PKHD1: variants seen among roughly 807,000 people sequenced by gnomAD.
PKHD1 encodes PKHD1 ciliary IPT domain containing fibrocystin/polyductin.
In PKHD1, 291 loss-of-function variants were observed where a neutral mutation model predicts 412.0. The observed-to-expected ratio is 0.71, with a 90% confidence interval of 0.64 to 0.78. The LOEUF is 0.78. Ranked by LOEUF, PKHD1 falls within the 30% of genes least tolerant of loss-of-function variation. The pLI is 0.00. For synonymous variants in PKHD1, 1,777 were observed against 1,821.5 expected (o/e 0.98, Z 0.62); for missense variants, 4,825 against 4,950.7 (o/e 0.97, Z 0.76).
At chr6:51,664,780 T>C (rs1171791072) in intron 60 of PKHD1, among the ~76,000 whole-genome samples, 1 of 152,192 alleles carries the variant, frequency 6.6e-6, no homozygotes, top group East Asian at 1.9e-4. Context: ...CACGCATTAT[T>C]TTTATTCCTA....
At chr6:51,645,718 T>A (rs1241560109) in intron 63 of PKHD1, among the ~76,000 whole-genome samples, 1 of 152,206 alleles carries the variant, frequency 6.6e-6, no homozygotes, top group Non-Finnish European at 1.5e-5. Flanking sequence ...CAAGTCACAT[T>A]TGAAATCACA....
At chr6:52,048,940 AC>A (rs1245773032) in intron 22 of PKHD1, among the ~76,000 whole-genome samples, 1 of 152,158 alleles carries the variant, frequency 6.6e-6, no homozygotes, top group Non-Finnish European at 1.5e-5. Context: ...TGCCCAGAGG[AC>A]CATGGAACAA....
At position 51,709,325 on chromosome 6, in the gene PKHD1, C is replaced by T. The variant is rs375217399; in HGVS notation, c.10156+35060G>A. Among the ~76,000 whole-genome samples, 159 of 152,268 alleles carry T rather than the reference C, an allele frequency of 1.0e-3. 1 individual carries two copies. The highest frequency in any genetic ancestry group is 3.6e-3 in the African/African-American group (149 of 41,564). ...CATATTGCTGGTGTCCACAAAAAGGCCATGGAAACACTTCCAGGGGTGTAT... is the reference window on the plus strand; with the variant it reads ...CATATTGCTGGTGTCCACAAAAAGGTCATGGAAACACTTCCAGGGGTGTAT... On this transcript the variant is annotated intron_variant, in intron 60 of 66. Coordinates refer to ENST00000371117, the MANE Select transcript of PKHD1 (RefSeq NM_138694.4).
At position 51,906,230 on chromosome 6, in the gene PKHD1, G is replaced by T; in HGVS notation, c.6793C>A (p.His2265Asn). The change falls in exon 41 of 67, where the codon CAT becomes AAT. Residue 2265 changes from histidine to asparagine, a missense_variant. Physicochemically the swap from His to Asn is moderately conservative, Grantham distance 68. Coordinates refer to ENST00000371117, the MANE Select transcript of PKHD1 (RefSeq NM_138694.4). ...DSNVFYNILGHALLVGTCTEM... is the reference protein window; with the variant it reads ...DSNVFYNILGNALLVGTCTEM... ...TTTTACTTACCAACTAGCAGCGCAT[G>T]ACCTAAAATATTGTAGAATACATTA... 6.2e-7 allele frequency: 1 copy of T among 1,611,832 alleles called. No individual in the cohort carries two copies. Among genetic ancestry groups the T allele is most frequent in the South Asian group, 1.1e-5 (1 of 90,988 alleles).
chr6:51,897,765 A>T (rs1244972232), intron 43 of PKHD1, among the ~76,000 whole-genome samples: 2 of 143,486 alleles, frequency 1.4e-5, no homozygotes. Flanking sequence ...TATTCAGGAA[A>T]CCCATCTCAT....
chr6:51,828,037 G>A (rs1367914784), intron 52 of PKHD1, among the ~76,000 whole-genome samples: 1 of 152,054 alleles, frequency 6.6e-6, no homozygotes, highest in Non-Finnish European at 1.5e-5. Context: ...CTGACATACA[G>A]GAGATACTCA....
chr6:51,804,527 CAA>C (rs1763466497), intron 52 of PKHD1, among the ~76,000 whole-genome samples: 2 of 146,836 alleles, frequency 1.4e-5, no homozygotes, highest in East Asian at 3.9e-4. Context: ...TTGTGTGAAC[CAA>C]AGAGACACAG....
chr6:52,084,358 T>C (rs1812448047), intron 2 of PKHD1, among the ~76,000 whole-genome samples: 3 of 152,144 alleles, frequency 2.0e-5, no homozygotes, highest in Non-Finnish European at 4.4e-5. Context: ...GATACTTCTA[T>C]CTAAAGAAGC....
chr6:51,654,088 A>G (rs1460499268), intron 61 of PKHD1, among the ~76,000 whole-genome samples: 1 of 152,196 alleles, frequency 6.6e-6, no homozygotes, highest in African/African-American at 2.4e-5. Context: ...TAGAAAAGTA[A>G]AACAGGCTAC....
At chr6:51,657,652 T>C (rs1459528537) in intron 61 of PKHD1, among the ~76,000 whole-genome samples, 2 of 151,984 alleles carry the variant, frequency 1.3e-5, no homozygotes, top group African/African-American at 2.4e-5. Context: ...TAAATAAAAG[T>C]GATCTTTTCT....
intron 53 of PKHD1, among the ~76,000 whole-genome samples, chr6:51,782,808 G>A (rs921121987): frequency 6.6e-6 from 1 of 151,954 alleles, no homozygotes; most frequent in African/African-American, 2.4e-5. Flanking sequence ...CTGACTACTG[G>A]GTATTGTGGC....
At chr6:51,836,503 CAAAG>C in intron 50 of PKHD1, 34 bp from the exon 51 acceptor site, 3 of 1,428,840 alleles carry the variant, frequency 2.1e-6, no homozygotes, top group Non-Finnish European at 3.0e-6. Context: ...GCATGTGATA[CAAAG>C]ATCATCTTAA....
chr6:51,952,394 T>G (rs1226013318), intron 36 of PKHD1, among the ~76,000 whole-genome samples: 1 of 152,152 alleles, frequency 6.6e-6, no homozygotes, highest in Non-Finnish European at 1.5e-5. Flanking sequence ...GAAACTCATT[T>G]ATTAGCTTAT....
intron 1 of PKHD1, among the ~76,000 whole-genome samples, chr6:52,086,567 C>G (rs1049058310): frequency 6.6e-6 from 1 of 152,100 alleles, no homozygotes; most frequent in Non-Finnish European, 1.5e-5. Context: ...ATTGAGACAG[C>G]TGGAAATCTA....
chr6:51,640,499 T>C lies in PKHD1; in HGVS notation c.11399-1543A>G, dbSNP rs186397052. Among the ~76,000 whole-genome samples, 747 of 152,282 alleles carry C rather than the reference T, an allele frequency of 4.9e-3. 8 individuals carry two copies. The highest frequency in any genetic ancestry group is 7.6e-3 in the Non-Finnish European group (516 of 68,030). ...GTTCATCATATCTTCAGAATAGCTA[T>C]GATGACATATACAAATGCAATTGAC... On this transcript the variant is annotated intron_variant, in intron 63 of 66. Coordinates refer to ENST00000371117, the MANE Select transcript of PKHD1 (RefSeq NM_138694.4).
intron 63 of PKHD1, among the ~76,000 whole-genome samples, 154 bp downstream of exon 63, chr6:51,647,877 C>T (rs1286125491): frequency 6.6e-6 from 1 of 152,188 alleles, no homozygotes; most frequent in Non-Finnish European, 1.5e-5. Context: ...TTCACAGACA[C>T]TGACACTGTA....
At chr6:51,886,013 T>A in intron 44 of PKHD1, 41 bp from the exon 45 acceptor site, 1 of 1,119,258 alleles carries the variant, frequency 8.9e-7, no homozygotes, top group Non-Finnish European at 1.4e-6. Flanking sequence ...AATTTTTATG[T>A]TTCTAACTTT....
chr6:51,694,599 C>T (rs753860277), intron 60 of PKHD1, among the ~76,000 whole-genome samples: 1 of 112,234 alleles, frequency 8.9e-6, no homozygotes, highest in African/African-American at 3.4e-5. Flanking sequence ...TTCACCATGT[C>T]GGCCAGGCTG....
intron 37 of PKHD1, among the ~76,000 whole-genome samples, chr6:51,931,350 T>C (rs1535279): frequency 0.38 from 58,456 of 152,074 alleles, 12,046 homozygotes; most frequent in East Asian, 0.76. Flanking sequence ...TGAATCAAGT[T>C]GCTCACTATT....
Sources: allele counts gnomAD v4.1 joint callset (sites outside exome capture counted in the v4.1 genomes callset), GRCh38; gene constraint gnomAD v4.1.1; transcripts MANE v1.5; gene names NCBI Gene and HGNC (gene_info 2026-07-23, HGNC 2026-07-21).